The following SLC25A23 variants were observed in gnomAD, a reference collection of about 807,000 sequenced individuals.
SLC25A23 encodes mitochondrial adenyl nucleotide antiporter SLC25A23.
Under a neutral mutation model 53.9 loss-of-function variants are expected in SLC25A23, and 32 were observed. That is an observed-to-expected ratio of 0.59 (90% CI 0.45 to 0.80). SLC25A23 has a LOEUF of 0.80. SLC25A23 is among the 30% of genes least tolerant of loss of function. The pLI, the probability that SLC25A23 is intolerant of heterozygous loss-of-function variation, is 0.00. For synonymous variants in SLC25A23, 275 were observed against 264.5 expected, an observed-to-expected ratio of 1.04 and a Z score of -0.38; for missense variants, 575 against 651.4, an observed-to-expected ratio of 0.88 and a Z score of 1.28.
rs2092398782 is a variant in SLC25A23, at chr19:6,440,189, A to G, written c.*1786T>C. 2 of 152,436 alleles carry G rather than the reference A, an allele frequency of 1.3e-5. No individual in the cohort carries two copies. The highest frequency in any genetic ancestry group is 4.8e-5 in the African/African-American group (2 of 41,420). The allele number at this position is 152,436 out of a possible 1,614,324, so 9.4% of individuals were successfully genotyped here. A position where few individuals can be genotyped will look rare whatever the true frequency, so the allele number is the denominator to read the frequency against. ...GCGGAAGTCCTCCAGCCCCTCCCCA[A>G]ATCCCAGTTCCCCTTTCCAAGTCCC... On this transcript the variant is annotated 3_prime_UTR_variant, in exon 10 of 10. Coordinates refer to ENST00000301454, the MANE Select transcript of SLC25A23 (RefSeq NM_024103.3).
rs113342059 is a variant in SLC25A23 at position 6,444,266 on chromosome 19, G to A, written c.1107C>T (p.His369=). Residue 369 remains histidine (H), a synonymous_variant, in exon 9 of 10, where the codon CAC becomes CAT. Transcript: ENST00000301454. ...CGAGGATGCCTGGGTCTGCCGAGTC[G>A]TGGCTGTACTGCTGAAGCCACCAGT... The part of the protein sequence containing the change: ...LKNWWLQQYS[H]DSADPGILVL... The A allele has an allele frequency of 2.6e-3, 4,152 of 1,608,170 alleles. 10 individuals carry two copies. The highest frequency in any genetic ancestry group is 3.3e-3 in the Non-Finnish European group (3,898 of 1,178,042).
Position 6,442,154 on chromosome 19 carries a change from T to TTGGG in SLC25A23, c.1227_1228insCCCA (p.Ile410ProfsTer103). 1 of 1,015,038 alleles carries TTGGG rather than the reference T, an allele frequency of 9.9e-7. No homozygotes were observed. The highest frequency in any genetic ancestry group is 2.0e-5 in the African/African-American group (1 of 51,094). The allele number at this position is 1,015,038 out of a possible 1,614,324, so 62.9% of individuals were successfully genotyped here. ...ATGGACAGCTGGGGGCCACCCTCGA[T>TTGGG]GGAGGCTGGGAGGGGGCGGGGGGGG... On this transcript the variant is annotated frameshift_variant, in exon 10 of 10. Transcript: ENST00000301454. LOFTEE classifies it high-confidence loss of function.
At chr19:6,452,251 G>T in intron 8 of SLC25A23, 61 bp downstream of exon 8, 1 of 1,554,296 alleles carries the variant, frequency 6.4e-7, no homozygotes, top group Non-Finnish European at 8.7e-7. Context: ...GAAGGGGAAG[G>T]GGTGTCCTGT....
rs1173873305 is a variant in SLC25A23, at chr19:6,456,414, C to T, written c.483+6G>A. ...CTTCAGCTGGGGAAAGCCACCCCCA[C>T]CTCACCGTGGAATGCTTCCAGAAAT... On this transcript the variant is annotated splice_donor_region_variant and intron_variant, in intron 4 of 9. Coordinates refer to ENST00000301454, the MANE Select transcript of SLC25A23 (RefSeq NM_024103.3). 3.7e-6 allele frequency: 6 copies of T among 1,613,338 alleles called. No homozygotes were observed. Among genetic ancestry groups the T allele is most frequent in the South Asian group, 1.1e-5 (1 of 91,078 alleles).
downstream of SLC25A23, among the ~76,000 whole-genome samples, chr19:6,439,427 A>ACG (rs1158888513): frequency 6.8e-6 from 1 of 146,464 alleles, no homozygotes; most frequent in Non-Finnish European, 1.5e-5. Context: ...ACACACACAC[A>ACG]CACACACAGA....
chr19:6,442,165 A>C lies in SLC25A23; in HGVS notation c.1223-6T>G. The C allele has an allele frequency of 1.7e-5, 11 of 642,636 alleles. No individual in the cohort carries two copies. The highest frequency in any genetic ancestry group is 2.6e-5 in the Non-Finnish European group (11 of 417,560). The allele number at this position is 642,636 out of a possible 1,614,324, so 39.8% of individuals were successfully genotyped here. ...GGGGCCACCCTCGATGGAGGCTGGG[A>C]GGGGGCGGGGGGGGCACCAGGTAAG... On this transcript the variant is annotated splice_polypyrimidine_tract_variant and splice_region_variant and intron_variant, in intron 9 of 9. Coordinates refer to ENST00000301454, the MANE Select transcript of SLC25A23 (RefSeq NM_024103.3).
intron 8 of SLC25A23, among the ~76,000 whole-genome samples, chr19:6,444,771 G>A (rs993919482): frequency 2.6e-5 from 4 of 151,974 alleles, no homozygotes; most frequent in Non-Finnish European, 5.9e-5. Flanking sequence ...TGGTTCAAGC[G>A]ATTCTCTTGC....
At position 6,459,616 on chromosome 19, in the gene SLC25A23, G is replaced by T; in HGVS notation, c.13C>A (p.Pro5Thr). Residue 5 changes from proline (P) to threonine (T), a missense_variant, in exon 1 of 10, where the codon CCG becomes ACG. Physicochemically the swap from Pro to Thr is conservative, Grantham distance 38. Transcript: ENST00000301454. The surrounding 1 kb of genome is among the most constrained non-coding windows in gnomAD (Gnocchi z 4.6). ...CGCTGCCGCCGCTCCGCGTCGCCCG[G>T]GCTCCCCCGCATGGCGCCCGCCCGG... The part of the protein sequence containing the change: MRGS[P>T]GDAERRQRWG... 6.6e-7 allele frequency: 1 copy of T among 1,519,544 alleles called. No homozygotes were observed. 94.1% of individuals were successfully genotyped at this position (1,519,544 alleles called of 1,614,324 possible).
chr19:6,450,692 G>A (rs1312713938), intron 8 of SLC25A23, among the ~76,000 whole-genome samples: 1 of 152,190 alleles, frequency 6.6e-6, no homozygotes, highest in Non-Finnish European at 1.5e-5. Context: ...GGGGAGGGCA[G>A]GTAAAGATGG....
chr19:6,449,023 CA>C (rs1357573603), intron 8 of SLC25A23, among the ~76,000 whole-genome samples: 1 of 137,062 alleles, frequency 7.3e-6, no homozygotes. Flanking sequence ...GACTCTGTCT[CA>C]AAAAAAAAGA....
rs758854413 is a variant in SLC25A23, at chr19:6,454,629, G to A, written c.572C>T (p.Ala191Val). ...TGACACGGCACCTGCCACTGCGCCG[G>A]CCACCAGCTGTTTCCACCACATGCC... ...LTGMWWKQLV[A>V]GAVAGAVSRT... Residue 191 changes from alanine to valine, a missense_variant, in exon 5 of 10, where the codon GCC becomes GTC. Transcript: ENST00000301454. The surrounding 1 kb of genome is among the most constrained non-coding windows in gnomAD (Gnocchi z 4.3). The A allele has an allele frequency of 1.2e-5, 20 of 1,613,868 alleles. No homozygotes were observed.
chr19:6,439,888 C>G (rs2092394143), downstream of SLC25A23, among the ~76,000 whole-genome samples: 1 of 151,948 alleles, frequency 6.6e-6, no homozygotes, highest in Non-Finnish European at 1.5e-5. Context: ...GGGTTATAAA[C>G]AGGGACTCCC....
intron 7 of SLC25A23, 200 bp from the exon 8 acceptor site, chr19:6,452,679 G>A (rs1364508293): frequency 7.2e-6 from 4 of 557,302 alleles, no homozygotes; most frequent in African/African-American, 1.9e-5. Flanking sequence ...GTGCACACAT[G>A]TGGCACCACC....
At chr19:6,436,552 T>G (rs1056264027), downstream of SLC25A23, 1 of 408,124 alleles carries the variant, frequency 2.5e-6, no homozygotes, top group East Asian at 7.2e-5. Flanking sequence ...ACAGTGTCTT[T>G]TTTTTTTTTT....
At chr19:6,447,774 A>T (rs2092527881) in intron 8 of SLC25A23, among the ~76,000 whole-genome samples, 1 of 152,138 alleles carries the variant, frequency 6.6e-6, no homozygotes, top group African/African-American at 2.4e-5. Flanking sequence ...GGGTTCAAGA[A>T]ATTCTCCTGT....
At chr19:6,455,814 G>A (rs1166991007) in intron 4 of SLC25A23, 1 of 309,352 alleles carries the variant, frequency 3.2e-6, no homozygotes, top group East Asian at 9.0e-5. Context: ...CGCCTCCTGG[G>A]TTCACGCCAT....
At chr19:6,449,684 G>C (rs2092559179) in intron 8 of SLC25A23, among the ~76,000 whole-genome samples, 1 of 151,790 alleles carries the variant, frequency 6.6e-6, no homozygotes, top group African/African-American at 2.4e-5. Flanking sequence ...AAAGTGCTGG[G>C]ATTACAAGCG....
chr19:6,439,399 T>TCACACACACA (rs57370920), downstream of SLC25A23, among the ~76,000 whole-genome samples: 97 of 124,112 alleles, frequency 7.8e-4, no homozygotes, highest in South Asian at 2.4e-3. Context: ...TCTCTCTCTC[T>TCACACACACA]CACACACACA....
downstream of SLC25A23, among the ~76,000 whole-genome samples, chr19:6,439,426 C>CACACACACACACAG (rs774234682): frequency 3.0e-3 from 452 of 151,044 alleles, no homozygotes; most frequent in African/African-American, 0.011. Context: ...CACACACACA[C>CACACACACACACAG]ACACACACAG....
Sources: gnomAD v4.1 joint callset for allele counts (sites outside exome capture counted in the v4.1 genomes callset) on GRCh38, gnomAD v4.1.1 for gene constraint, Gnocchi (gnomAD v3.1) non-coding constraint, MANE v1.5 for transcripts, NCBI Gene and HGNC (gene_info 2026-07-23, HGNC 2026-07-21) for gene names.